The following FBXL17 variants were observed in gnomAD, a reference collection of about 807,000 sequenced individuals.
FBXL17 encodes the protein F-box and leucine rich repeat protein 17.
FBXL17 carries 22 observed loss-of-function variants against 66.2 expected under a neutral mutation model. The observed-to-expected ratio is 0.33, with a 90% CI of 0.24 to 0.47. FBXL17 has a LOEUF of 0.47. Ranked by LOEUF, FBXL17 falls within the 20% of genes least tolerant of loss-of-function variation. FBXL17 has a pLI of 1.00. For missense variants in FBXL17, 878 were observed against 948.2 expected, an observed-to-expected ratio of 0.93 and a Z score of 0.97; for synonymous variants, 474 against 400.5, an observed-to-expected ratio of 1.18 and a Z score of -2.19.
At chr5:107,971,847 C>A (rs1050571342) in intron 7 of FBXL17, among the ~76,000 whole-genome samples, 2 of 152,206 alleles carry the variant, frequency 1.3e-5, no homozygotes, top group Admixed American at 1.3e-4. Context: ...TCTCCCCCAG[C>A]AAACCTTAAC....
At chr5:108,348,288 T>A (rs3756573) in intron 4 of FBXL17, 111 bp downstream of exon 4, 287,902 of 909,284 alleles carry the variant, frequency 0.32, 47,654 homozygotes, top group Middle Eastern at 0.36. Context: ...TTTGATTAAG[T>A]AGTATTTGAA....
intron 4 of FBXL17, among the ~76,000 whole-genome samples, chr5:108,231,550 G>A (rs1167190593): frequency 6.6e-6 from 1 of 152,156 alleles, no homozygotes; most frequent in African/African-American, 2.4e-5. Context: ...CTAGCAAAAT[G>A]TGTGCTTCCT....
At chr5:108,236,861 T>C (rs562038512) in intron 4 of FBXL17, among the ~76,000 whole-genome samples, 1 of 152,314 alleles carries the variant, frequency 6.6e-6, no homozygotes, top group African/African-American at 2.4e-5. Flanking sequence ...GTAATCTCCT[T>C]AGACTAGGCT....
chr5:108,241,553 G>A (rs1477398056), intron 4 of FBXL17, among the ~76,000 whole-genome samples: 1 of 151,912 alleles, frequency 6.6e-6, no homozygotes, highest in Admixed American at 6.6e-5. Context: ...AAAGGAAGTA[G>A]AGAGAGAGAG....
At chr5:108,300,147 G>A (rs1452574713) in intron 4 of FBXL17, among the ~76,000 whole-genome samples, 1 of 151,696 alleles carries the variant, frequency 6.6e-6, no homozygotes, top group Non-Finnish European at 1.5e-5. Context: ...TCTCTGACTC[G>A]AAAACTTTTA....
At chr5:107,955,353 C>CA (rs1269146161) in intron 7 of FBXL17, among the ~76,000 whole-genome samples, 1 of 151,668 alleles carries the variant, frequency 6.6e-6, no homozygotes, top group Non-Finnish European at 1.5e-5. Context: ...TTTTTAAAAA[C>CA]AAAAAAACTA....
In FBXL17 at chr5:108,230,324, T is replaced by C. The variant is rs184917085; in HGVS notation, c.1507-6096A>G. On this transcript the variant is annotated intron_variant, in intron 4 of 8. Coordinates refer to ENST00000542267, the MANE Select transcript of FBXL17 (RefSeq NM_001163315.3). ...TGCAAAAATATGAAACCAGCCCAAA[T>C]GCCTATCAGTCAATGAGGGGATAAA... Among the ~76,000 whole-genome samples, 512 of 152,304 alleles carry C rather than the reference T, an allele frequency of 3.4e-3. 13 individuals carry two copies. The highest frequency in any genetic ancestry group is 0.029 in the Admixed American group (442 of 15,284).
chr5:108,242,407 G>C (rs572552059), intron 4 of FBXL17, among the ~76,000 whole-genome samples: 1 of 148,820 alleles, frequency 6.7e-6, no homozygotes, highest in African/African-American at 2.5e-5. Context: ...GTCATTGTAG[G>C]GATGAGTTTT....
intron 4 of FBXL17, among the ~76,000 whole-genome samples, chr5:108,307,876 CTT>C (rs1458686961): frequency 2.6e-5 from 4 of 152,018 alleles, no homozygotes; most frequent in African/African-American, 9.7e-5. Context: ...TCATCAGAAA[CTT>C]TATAAGCAAT....
At chr5:107,944,703 C>CT (rs1216386316) in intron 7 of FBXL17, among the ~76,000 whole-genome samples, 1 of 152,096 alleles carries the variant, frequency 6.6e-6, no homozygotes, top group Non-Finnish European at 1.5e-5. Flanking sequence ...TCTGGAATGT[C>CT]TTTTTTGTTC....
At chr5:108,330,362 T>C (rs1307727591) in intron 4 of FBXL17, among the ~76,000 whole-genome samples, 3 of 152,210 alleles carry the variant, frequency 2.0e-5, no homozygotes, top group Non-Finnish European at 4.4e-5. Flanking sequence ...CTTTAAAAAA[T>C]TATTTGATAT....
At chr5:108,000,211 A>G (rs538188946) in intron 7 of FBXL17, among the ~76,000 whole-genome samples, 4 of 152,310 alleles carry the variant, frequency 2.6e-5, no homozygotes, top group Non-Finnish European at 4.4e-5. Flanking sequence ...GAATAATAAT[A>G]TCAATAACAA....
intron 7 of FBXL17, among the ~76,000 whole-genome samples, chr5:107,917,700 C>A (rs1048370541): frequency 6.6e-6 from 1 of 152,172 alleles, no homozygotes; most frequent in Non-Finnish European, 1.5e-5. Context: ...GATTTAAAAG[C>A]TTGGCTTTCA....
chr5:107,890,525 G>A (rs1258221573), intron 7 of FBXL17, among the ~76,000 whole-genome samples: 1 of 151,988 alleles, frequency 6.6e-6, no homozygotes, highest in Non-Finnish European at 1.5e-5. Flanking sequence ...TAAGCTGGGT[G>A]TGGTGATGTG....
intron 4 of FBXL17, among the ~76,000 whole-genome samples, chr5:108,337,953 A>C (rs996024445): frequency 1.3e-5 from 2 of 152,024 alleles, no homozygotes; most frequent in Non-Finnish European, 2.9e-5. Context: ...AAAAAGCTTA[A>C]AACAATGAAA....
At chr5:108,302,514 G>A (rs1269401863) in intron 4 of FBXL17, among the ~76,000 whole-genome samples, 1 of 151,694 alleles carries the variant, frequency 6.6e-6, no homozygotes, top group African/African-American at 2.4e-5. Context: ...AGAAAATTAA[G>A]AGATACTTAC....
At chr5:107,950,217 C>A (rs920709043) in intron 7 of FBXL17, among the ~76,000 whole-genome samples, 3 of 152,008 alleles carry the variant, frequency 2.0e-5, no homozygotes, top group African/African-American at 7.2e-5. Flanking sequence ...CTATAGGAGA[C>A]CTCTCTGCTC....
intron 8 of FBXL17, among the ~76,000 whole-genome samples, chr5:107,875,022 T>C (rs1178596158): frequency 6.6e-6 from 1 of 152,186 alleles, no homozygotes; most frequent in Non-Finnish European, 1.5e-5. Flanking sequence ...AAGGGTTATG[T>C]CACCCACAAC....
At chr5:108,125,227 G>A (rs899878395) in intron 6 of FBXL17, among the ~76,000 whole-genome samples, 6 of 151,900 alleles carry the variant, frequency 3.9e-5, no homozygotes, top group Non-Finnish European at 5.9e-5. Flanking sequence ...ATCTTGATGT[G>A]ATTATTAAAC....
Sources: allele counts gnomAD v4.1 joint callset (sites outside exome capture counted in the v4.1 genomes callset), GRCh38; gene constraint gnomAD v4.1.1; transcripts MANE v1.5; gene names NCBI Gene and HGNC (gene_info 2026-07-23, HGNC 2026-07-21).